The following KIAA0586 variants were observed in gnomAD, a reference collection of about 807,000 sequenced individuals.
KIAA0586 encodes the protein KIAA0586, also known as protein TALPID3.
Under a neutral mutation model 169.8 loss-of-function variants are expected in KIAA0586, and 144 were observed. That is an observed-to-expected ratio of 0.85 (90% CI 0.74 to 0.97). The LOEUF (loss-of-function observed/expected upper bound fraction) is 0.97, where lower values mean the gene tolerates loss of function less well. KIAA0586 is among the 50% of genes least tolerant of loss of function. The pLI, the probability that KIAA0586 is intolerant of heterozygous loss-of-function variation, is 0.00. For missense variants in KIAA0586, 1,854 were observed against 1,823.0 expected, an observed-to-expected ratio of 1.02 and a Z score of -0.31; for synonymous variants, 625 against 612.4, an observed-to-expected ratio of 1.02 and a Z score of -0.30.
chr14:58,439,819 G>C (rs1017030310), intron 4 of KIAA0586: 45 of 984,084 alleles, frequency 4.6e-5, no homozygotes, highest in Non-Finnish European at 5.4e-5. Flanking sequence ...AAAAGTCGAC[G>C]GGGAAGTCCA....
intron 7 of KIAA0586, among the ~76,000 whole-genome samples, chr14:58,449,518 G>C (rs2039176948): frequency 1.3e-5 from 2 of 152,196 alleles, no homozygotes; most frequent in African/African-American, 4.8e-5. Flanking sequence ...GACAGAGCAA[G>C]ACCCTGTTTC....
In KIAA0586 at chr14:58,428,468, G is replaced by T; in HGVS notation, c.199+5G>T. The T allele has an allele frequency of 6.3e-7, 1 of 1,593,554 alleles. No homozygotes were observed. Among genetic ancestry groups the T allele is most frequent in the African/African-American group, 1.3e-5 (1 of 74,466 alleles). On this transcript the variant is annotated splice_donor_5th_base_variant and intron_variant, in intron 1 of 30. Transcript: ENST00000652326. ...GTTTGAATGGAACATCACGTGGTAT[G>T]TGATTCCATGTAGTTTTTCAACCAG...
intron 2 of KIAA0586, among the ~76,000 whole-genome samples, chr14:58,429,846 G>A (rs1238862713): frequency 6.6e-6 from 1 of 152,018 alleles, no homozygotes; most frequent in East Asian, 1.9e-4. Context: ...TTCTTAGAAG[G>A]GAGGTTCTTT....
chr14:58,465,650 A>C (rs1239477493), intron 14 of KIAA0586, among the ~76,000 whole-genome samples, 185 bp from the exon 15 acceptor site: 1 of 152,222 alleles, frequency 6.6e-6, no homozygotes, highest in African/African-American at 2.4e-5. Context: ...CTGCCAGACA[A>C]ATATTTACTG....
chr14:58,464,854 G>A (rs562581827), intron 14 of KIAA0586, among the ~76,000 whole-genome samples: 4 of 152,210 alleles, frequency 2.6e-5, no homozygotes, highest in Admixed American at 6.5e-5. Flanking sequence ...CATGTCCTGG[G>A]CAGGATGGAG....
chr14:58,516,408 GA>G (rs1193732682), intron 29 of KIAA0586, among the ~76,000 whole-genome samples: 4 of 150,930 alleles, frequency 2.7e-5, no homozygotes, highest in African/African-American at 9.7e-5. Flanking sequence ...GAAGGGTAAA[GA>G]AAAAAAAAGA....
chr14:58,540,345 C>T (rs183511048), intron 30 of KIAA0586, among the ~76,000 whole-genome samples: 312 of 152,280 alleles, frequency 2.0e-3, no homozygotes, highest in Non-Finnish European at 3.5e-3. Context: ...CCTATCGTTT[C>T]GCTTTGGAAA....
intron 29 of KIAA0586, among the ~76,000 whole-genome samples, chr14:58,524,803 C>G (rs765867906): frequency 6.6e-6 from 1 of 152,198 alleles, no homozygotes; most frequent in East Asian, 1.9e-4. Flanking sequence ...GCAACCTCTG[C>G]CTCCCAGGTT....
At chr14:58,489,218 C>T (rs1373087723) in intron 24 of KIAA0586, among the ~76,000 whole-genome samples, 1 of 91,674 alleles carries the variant, frequency 1.1e-5, no homozygotes, top group Non-Finnish European at 2.1e-5. Flanking sequence ...TGTTTTGAAA[C>T]CTGAATTTTT....
At chr14:58,506,595 A>G (rs1595416808) in intron 27 of KIAA0586, among the ~76,000 whole-genome samples, 1 of 151,434 alleles carries the variant, frequency 6.6e-6, no homozygotes, top group South Asian at 2.1e-4. Flanking sequence ...GCTGAGGCAG[A>G]AGAATCGCTT....
the KIAA0586 span, among the ~76,000 whole-genome samples, chr14:58,557,901 C>CTTTTT: frequency 0.022 from 925 of 42,514 alleles, 242 homozygotes; most frequent in Middle Eastern, 0.043. Context: ...CCTGAGAAAT[C>CTTTTT]TTTTTTTTTT....
chr14:58,509,206 AG>A (rs1441245998), intron 28 of KIAA0586, among the ~76,000 whole-genome samples: 1 of 152,182 alleles, frequency 6.6e-6, no homozygotes, highest in Admixed American at 6.5e-5. Flanking sequence ...TGACAGAGTG[AG>A]ACTCTTGTCT....
rs56229529 is a variant in KIAA0586, at chr14:58,507,255, T to TAC, written c.4169-1300_4169-1299insAC. Among the ~76,000 whole-genome samples the TAC allele has an allele frequency of 1.2e-3, 173 of 143,920 alleles. 1 individual carries two copies. Among genetic ancestry groups the TAC allele is most frequent in the African/African-American group, 4.3e-3 (169 of 39,364 alleles). The allele number at this position is 143,920 out of a possible 152,430, so 94.4% of individuals were successfully genotyped here. ...ATATGTATGATTTATATATAAATCA[T>TAC]GTATGATTTATATATATGTATGATT... On this transcript the variant is annotated intron_variant, in intron 27 of 30. Transcript: ENST00000652326.
chr14:58,517,516 G>A (rs1386007484), intron 29 of KIAA0586, among the ~76,000 whole-genome samples: 1 of 152,174 alleles, frequency 6.6e-6, no homozygotes, highest in African/African-American at 2.4e-5. Context: ...CTGATACATT[G>A]CTGGTGGGAA....
chr14:58,474,759 T>C lies in KIAA0586; in HGVS notation c.2787T>C (p.Ile929=). 6.2e-7 allele frequency: 1 copy of C among 1,609,454 alleles called. No homozygotes were observed. Among genetic ancestry groups the C allele is most frequent in the Non-Finnish European group, 8.5e-7 (1 of 1,178,656 alleles). Residue 929 remains isoleucine (I), a synonymous_variant, in exon 19 of 31, where the codon ATT becomes ATC. Transcript: ENST00000652326. ...CTGCTGATATTCTGGATAAAGTAAT[T>C]GAGAGAAAAGAAACACTGGAAAATA... is the stretch of plus-strand genomic sequence containing the variant. ...QPTADILDKV[I]ERKETLENSL...
chr14:58,501,854 T>G (rs954491400), intron 27 of KIAA0586, among the ~76,000 whole-genome samples: 1 of 152,170 alleles, frequency 6.6e-6, no homozygotes, highest in African/African-American at 2.4e-5. Flanking sequence ...CAGCAAACAT[T>G]TATTATTTCA....
intron 29 of KIAA0586, among the ~76,000 whole-genome samples, chr14:58,532,506 AAAATG>A (rs539853415): frequency 4.0e-4 from 61 of 151,942 alleles, no homozygotes; most frequent in African/African-American, 1.4e-3. Context: ...TCCACAGATG[AAAATG>A]AAATGAAATC....
intron 8 of KIAA0586, 102 bp downstream of exon 8, chr14:58,450,848 A>G: frequency 1.5e-6 from 1 of 654,360 alleles, no homozygotes; most frequent in East Asian, 2.8e-5. Flanking sequence ...GTAATATTTT[A>G]CTTTAAATGA....
chr14:58,551,736 G>A (rs185185165), downstream of KIAA0586, among the ~76,000 whole-genome samples: 336 of 151,914 alleles, frequency 2.2e-3, 1 homozygote, highest in African/African-American at 7.5e-3. Context: ...ACTGCACTCC[G>A]GCCTGGGTGA....
Sources: allele counts gnomAD v4.1 joint callset (sites outside exome capture counted in the v4.1 genomes callset), GRCh38; gene constraint gnomAD v4.1.1; transcripts MANE v1.5; gene names NCBI Gene and HGNC (gene_info 2026-07-23, HGNC 2026-07-21).